The following AK5 variants were observed in gnomAD, a reference collection of about 807,000 sequenced individuals.
AK5 encodes the protein adenylate kinase isoenzyme 5.
A neutral mutation model predicts 69.5 loss-of-function variants in AK5; 27 were observed. That is an observed-to-expected ratio of 0.39 (90% CI 0.29 to 0.54). AK5 has a LOEUF of 0.54. Among genes scored for constraint, AK5 ranks in the 20% least tolerant of loss-of-function variants. AK5 has a pLI of 0.71. For missense variants in AK5, 531 were observed against 700.4 expected (o/e 0.76, Z 2.73); for synonymous variants, 260 against 244.4 (o/e 1.06, Z -0.60).
Position 77,324,699 on chromosome 1 carries a change from GA to G in AK5, c.700-15666del, listed in dbSNP as rs11384873. Among the ~76,000 whole-genome samples, 1,046 of 145,738 alleles carry G rather than the reference GA, an allele frequency of 7.2e-3. 10 individuals are homozygous for G. The highest frequency in any genetic ancestry group is 0.012 in the Admixed American group (179 of 14,704). ...AAGACATTTATTAGATCTTTATAGG[GA>G]AAAAAAAAAAACCTCTACCCTCCTC... is the stretch of plus-strand genomic sequence containing the variant. On this transcript the variant is annotated intron_variant, in intron 5 of 13. Transcript: ENST00000354567.
intron 6 of AK5, among the ~76,000 whole-genome samples, chr1:77,368,228 TA>T (rs1647037121): frequency 3.7e-5 from 1 of 27,258 alleles, no homozygotes; most frequent in Non-Finnish European, 7.3e-5. Flanking sequence ...TATATATATA[TA>T]TATATATATA....
intron 8 of AK5, among the ~76,000 whole-genome samples, chr1:77,461,092 G>C (rs1429193414): frequency 6.8e-6 from 1 of 147,654 alleles, no homozygotes; most frequent in Non-Finnish European, 1.5e-5. Flanking sequence ...GGACTGCAGT[G>C]GTGCTATCTC....
At chr1:77,531,817 C>T (rs1249450371) in intron 12 of AK5, among the ~76,000 whole-genome samples, 7 of 74,108 alleles carry the variant, frequency 9.4e-5, no homozygotes, top group Non-Finnish European at 1.5e-4. Flanking sequence ...CTGCGCTCGT[C>T]GGGGAGGCTG....
intron 13 of AK5, among the ~76,000 whole-genome samples, chr1:77,543,536 T>C (rs77296778): frequency 6.6e-6 from 1 of 151,278 alleles, no homozygotes; most frequent in African/African-American, 2.4e-5. Flanking sequence ...TATTTTTTTT[T>C]TATTGTTTGT....
At chr1:77,291,684 C>T (rs1658695965) in intron 2 of AK5, among the ~76,000 whole-genome samples, 1 of 152,180 alleles carries the variant, frequency 6.6e-6, no homozygotes, top group Non-Finnish European at 1.5e-5. Flanking sequence ...ATTTATTGGA[C>T]ACTGACCATC....
intron 10 of AK5, among the ~76,000 whole-genome samples, chr1:77,503,773 C>T (rs1477782656): frequency 1.3e-5 from 2 of 151,886 alleles, no homozygotes; most frequent in African/African-American, 4.8e-5. Flanking sequence ...GGTGTGGTGG[C>T]GGGCGCCTGC....
intron 5 of AK5, among the ~76,000 whole-genome samples, chr1:77,299,700 T>A (rs1354912346): frequency 6.6e-6 from 1 of 152,160 alleles, no homozygotes; most frequent in African/African-American, 2.4e-5. Context: ...AAGCGGGTGC[T>A]ATGGCAGCCA....
rs146237952 is a variant in AK5 at position 77,519,907 on chromosome 1, T to C, written c.1311+1180T>C. Among the ~76,000 whole-genome samples, 4 of 152,184 alleles carry C rather than the reference T, an allele frequency of 2.6e-5. 1 individual carries two copies. The highest frequency in any genetic ancestry group is 9.6e-5 in the African/African-American group (4 of 41,534). On this transcript the variant is annotated intron_variant, in intron 11 of 13. Coordinates refer to ENST00000354567, the MANE Select transcript of AK5 (RefSeq NM_174858.3). Reference sequence around the variant, plus strand: ...TGACCTCCTATCTCATCCTGTGACTTAGAATGCTTAACCTGGCAGGGCGCA... The same window carrying C: ...TGACCTCCTATCTCATCCTGTGACTCAGAATGCTTAACCTGGCAGGGCGCA...
intron 10 of AK5, among the ~76,000 whole-genome samples, chr1:77,495,358 A>G (rs1177907666): frequency 6.6e-6 from 1 of 152,240 alleles, no homozygotes. Flanking sequence ...AATTATTTGA[A>G]TAAGTACTGC....
At chr1:77,397,049 G>A (rs1648880212) in intron 6 of AK5, among the ~76,000 whole-genome samples, 1 of 152,224 alleles carries the variant, frequency 6.6e-6, no homozygotes, top group Non-Finnish European at 1.5e-5. Context: ...GCTACCAGGT[G>A]TTAAAATCCC....
chr1:77,292,727 C>T (rs541335335), intron 2 of AK5, among the ~76,000 whole-genome samples: 1 of 152,256 alleles, frequency 6.6e-6, no homozygotes, highest in South Asian at 2.1e-4. Context: ...GTACTGTTCC[C>T]ACCAACTGTG....
intron 13 of AK5, among the ~76,000 whole-genome samples, chr1:77,550,657 T>C (rs1659778321): frequency 6.6e-6 from 1 of 152,252 alleles, no homozygotes; most frequent in Non-Finnish European, 1.5e-5. Flanking sequence ...AAGCATTTAG[T>C]AAATTGGTTC....
intron 12 of AK5, among the ~76,000 whole-genome samples, chr1:77,533,244 G>A (rs967217581): frequency 1.9e-4 from 29 of 151,964 alleles, no homozygotes; most frequent in African/African-American, 6.3e-4. Flanking sequence ...GGCTGGGTGC[G>A]GTGGCTCACA....
chr1:77,282,162 C>T lies in AK5; in HGVS notation c.-152C>T, dbSNP rs1014783816. On this transcript the variant is annotated 5_prime_UTR_variant, in exon 1 of 14. Coordinates refer to ENST00000354567, the MANE Select transcript of AK5 (RefSeq NM_174858.3). The stretch of plus-strand genomic sequence containing the variant: ...GGGGAGAGGCGGAGGGGGTCCCTGG[C>T]CTGGGCGGAGAGGCTGAGCTGAGTG... 1 of 603,296 alleles carries T rather than the reference C, an allele frequency of 1.7e-6. No individual in the cohort carries two copies. The highest frequency in any genetic ancestry group is 2.7e-6 in the Non-Finnish European group (1 of 368,962). The allele number at this position is 603,296 out of a possible 1,614,324, so 37.4% of individuals were successfully genotyped here.
intron 8 of AK5, among the ~76,000 whole-genome samples, chr1:77,424,545 G>A (rs116007496): frequency 1.3e-5 from 2 of 152,138 alleles, no homozygotes; most frequent in African/African-American, 4.8e-5. Flanking sequence ...AAGAACAAAT[G>A]GATAATGTAA....
intron 2 of AK5, among the ~76,000 whole-genome samples, chr1:77,291,499 C>T (rs747264141): frequency 7.9e-5 from 12 of 152,104 alleles, no homozygotes; most frequent in Non-Finnish European, 1.2e-4. Flanking sequence ...TACCAACCCT[C>T]CCCTGCAAAT....
At chr1:77,501,413 A>G (rs1656710887) in intron 10 of AK5, among the ~76,000 whole-genome samples, 2 of 152,244 alleles carry the variant, frequency 1.3e-5, no homozygotes, top group South Asian at 4.1e-4. Flanking sequence ...CCTTGTTATG[A>G]GAGCATCCTA....
chr1:77,297,320 A>C (rs1659067710), intron 3 of AK5, among the ~76,000 whole-genome samples: 1 of 152,182 alleles, frequency 6.6e-6, no homozygotes, highest in Non-Finnish European at 1.5e-5. Flanking sequence ...TATTTGCTCA[A>C]ATAGGTAGAG....
chr1:77,297,880 A>G lies in AK5; in HGVS notation c.632A>G (p.Asp211Gly), dbSNP rs202122429. 5 of 1,613,638 alleles carry G rather than the reference A, an allele frequency of 3.1e-6. No homozygotes were observed. In the African/African-American group the frequency reaches 5.3e-5, roughly 17 times the overall value. Residue 211 changes from aspartate to glycine, a missense_variant, in exon 5 of 14, where the codon GAT (aspartate) becomes GGT (glycine). By Grantham distance (94) the Asp-to-Gly change is moderately conservative (BLOSUM62 -1). Coordinates refer to ENST00000354567, the MANE Select transcript of AK5 (RefSeq NM_174858.3). The stretch of plus-strand genomic sequence containing the variant: ...AAACAAAAATTGATGCAAATACCTG[A>G]TGAAGAGGGCATTGTTATTGATGGA... Reference protein sequence around the residue: ...EIKQKLMQIPDEEGIVIDGFP... With the variant: ...EIKQKLMQIPGEEGIVIDGFP...
Sources: allele counts gnomAD v4.1 joint callset (sites outside exome capture counted in the v4.1 genomes callset), GRCh38; gene constraint gnomAD v4.1.1; transcripts MANE v1.5; gene names NCBI Gene and HGNC (gene_info 2026-07-23, HGNC 2026-07-21).